Variants in SEC31B observed in about 807,000 individuals in gnomAD.
SEC31B encodes protein transport protein Sec31B.
SEC31B carries 113 observed loss-of-function variants against 135.0 expected under a neutral mutation model. The ratio of observed to expected loss-of-function variants is 0.84; its 90% CI spans 0.72 to 0.98. The LOEUF is 0.98. Among genes scored for constraint, SEC31B ranks in the 50% least tolerant of loss-of-function variants. The pLI is 0.00. For synonymous variants in SEC31B, 508 were observed against 549.4 expected, an observed-to-expected ratio of 0.92 and a Z score of 1.05; for missense variants, 1,296 against 1,421.1, an observed-to-expected ratio of 0.91 and a Z score of 1.42.
chr10:100,509,661 T>C (rs1851703528), intron 3 of SEC31B, 150 bp from the exon 4 acceptor site: 2 of 622,252 alleles, frequency 3.2e-6, no homozygotes, highest in Non-Finnish European at 5.5e-6. Flanking sequence ...ACAGAAGGGA[T>C]GTATCCTCCG....
intron 12 of SEC31B, 72 bp downstream of exon 12, chr10:100,499,451 AG>A: frequency 1.6e-6 from 2 of 1,275,232 alleles, no homozygotes; most frequent in Non-Finnish European, 2.3e-6. Flanking sequence ...AGGTATTCTG[AG>A]GTGGTTTACT....
intron 16 of SEC31B, 47 bp from the exon 17 acceptor site, chr10:100,497,327 CCT>C (rs1437218978): frequency 2.5e-6 from 4 of 1,601,508 alleles, no homozygotes; most frequent in Non-Finnish European, 1.7e-6. Context: ...GCCCTGTGTG[CCT>C]CTCCTTCTCC....
chr10:100,509,056 C>G lies in SEC31B; in HGVS notation c.446G>C (p.Trp149Ser). ...TGGCACATTCAAGTTATTCAGATCC[C>G]AAATGAAGATTTCAGAATCGCTGGC... ...SGASDSEIFI[W>S]DLNNLNVPMT... The change falls in exon 5 of 26, where the codon TGG becomes TCG. Residue 149 changes from tryptophan (W) to serine (S), a missense_variant. Physicochemically the swap from Trp to Ser is radical, Grantham distance 177. Transcript: ENST00000370345. 1 of 1,614,112 alleles carries G rather than the reference C, an allele frequency of 6.2e-7. No individual in the cohort carries two copies. The highest frequency in any genetic ancestry group is 8.5e-7 in the Non-Finnish European group (1 of 1,180,024).
chr10:100,492,262 G>A (rs1432778709), intron 19 of SEC31B, among the ~76,000 whole-genome samples: 1 of 152,086 alleles, frequency 6.6e-6, no homozygotes, highest in East Asian at 1.9e-4. Context: ...TTCGCTCTTG[G>A]TGCCCAGGCT....
At chr10:100,517,755 A>G (rs988593446) in intron 1 of SEC31B, among the ~76,000 whole-genome samples, 1 of 151,996 alleles carries the variant, frequency 6.6e-6, no homozygotes, top group Non-Finnish European at 1.5e-5. Flanking sequence ...TTCAGAAAGG[A>G]GCAAAGTCAC....
chr10:100,510,052 A>G (rs1054430116), intron 3 of SEC31B, among the ~76,000 whole-genome samples: 4 of 152,254 alleles, frequency 2.6e-5, no homozygotes, highest in African/African-American at 9.6e-5. Context: ...ACACAGAGGT[A>G]GTAATTTTAT....
chr10:100,507,480 G>C lies in SEC31B; in HGVS notation c.727C>G (p.Leu243Val), dbSNP rs1230038524. ...SEDDRLPVIQ[L>V]WDLRFASSPL... is the part of the protein sequence containing the mutation. ...GAGGAGGCAAAGCGCAAGTCCCACA[G>C]CTGAATCACGGGAAGTCGATCATCC... Residue 243 changes from leucine (L) to valine (V), a missense_variant, in exon 7 of 26, where the codon CTG becomes GTG. Transcript: ENST00000370345. 6.2e-7 allele frequency: 1 copy of C among 1,614,236 alleles called. No homozygotes were observed. Among genetic ancestry groups the C allele is most frequent in the Admixed American group, 1.7e-5 (1 of 60,024 alleles).
In SEC31B at chr10:100,509,459, C is replaced by A; in HGVS notation, c.256G>T (p.Gly86Trp). The A allele has an allele frequency of 1.9e-6, 3 of 1,614,050 alleles. No individual in the cohort carries two copies. The highest frequency in any genetic ancestry group is 1.7e-6 in the Non-Finnish European group (2 of 1,179,998). The change falls in exon 4 of 26, where the codon GGG becomes TGG. Residue 86 changes from glycine (G) to tryptophan (W), a missense_variant. Gly to Trp is a radical substitution (Grantham distance 184, BLOSUM62 -2). Coordinates refer to ENST00000370345, the MANE Select transcript of SEC31B (RefSeq NM_015490.4). ...TTGTCCCCGCCGCCAACAATAACCC[C>A]GGAGCTTTCCAGAAGCCCACTGCCA... ...SFGSGLLESS[G>W]VIVGGGDNGM...
chr10:100,505,323 C>T (rs960183700), intron 10 of SEC31B, 38 bp downstream of exon 10: 4 of 1,600,864 alleles, frequency 2.5e-6, no homozygotes, highest in Admixed American at 3.4e-5. Context: ...CACACACACA[C>T]ACAAACACAC....
At chr10:100,488,789 C>T (rs900991781) in intron 24 of SEC31B, 69 bp downstream of exon 24, 1 of 1,502,044 alleles carries the variant, frequency 6.7e-7, no homozygotes, top group Non-Finnish European at 8.9e-7. Context: ...AGGAACTGGT[C>T]CACAGCTGAG....
chr10:100,505,299 AACACACACACAC>A, intron 10 of SEC31B, 50 bp downstream of exon 10: 3 of 1,486,874 alleles, frequency 2.0e-6, no homozygotes, highest in Non-Finnish European at 2.7e-6. Context: ...AGGCTTCACA[AACACACACACAC>A]ACACACACAC....
At position 100,498,813 on chromosome 10, in the gene SEC31B, G is replaced by A. The variant is rs1399824709; in HGVS notation, c.1585-9C>T. ...GTGGTGTGTTTGGAGGCCTGTATGAGGAAGGACAGAGGTGACTACTTAGGG... is the reference window on the plus strand; with the variant it reads ...GTGGTGTGTTTGGAGGCCTGTATGAAGAAGGACAGAGGTGACTACTTAGGG... On this transcript the variant is annotated splice_polypyrimidine_tract_variant and intron_variant, in intron 13 of 25. Coordinates refer to ENST00000370345, the MANE Select transcript of SEC31B (RefSeq NM_015490.4). The A allele has an allele frequency of 1.2e-6, 2 of 1,604,058 alleles. No individual in the cohort carries two copies. The highest frequency in any genetic ancestry group is 1.1e-5 in the South Asian group (1 of 90,898).
chr10:100,487,750 C>T lies in SEC31B; in HGVS notation c.3406G>A (p.Val1136Met), dbSNP rs1446750436. ...VAGLHEVARCVDAGSFEQGLA... is the reference protein window; with the variant it reads ...VAGLHEVARCMDAGSFEQGLA... ...CCCTGCTCAAAGCTTCCTGCATCCACACATCGGGCAACCTCATGGAGCCCA... is the reference window on the plus strand; with the variant it reads ...CCCTGCTCAAAGCTTCCTGCATCCATACATCGGGCAACCTCATGGAGCCCA... Residue 1136 changes from valine (V) to methionine (M), a missense_variant, in exon 26 of 26, where the codon GTG (valine) becomes ATG (methionine). Coordinates refer to ENST00000370345, the MANE Select transcript of SEC31B (RefSeq NM_015490.4). 1 of 1,613,954 alleles carries T rather than the reference C, an allele frequency of 6.2e-7. No homozygotes were observed. The highest frequency in any genetic ancestry group is 1.3e-5 in the African/African-American group (1 of 74,954).
rs139770798 is a variant in SEC31B at position 100,491,412 on chromosome 10, C to A, written c.2473-529G>T. On this transcript the variant is annotated intron_variant, in intron 19 of 25. Transcript: ENST00000370345. The stretch of plus-strand genomic sequence containing the variant: ...AACTAATTTCATGAGGCCAGTATTA[C>A]CCTGATGCCAGCAACAGAAAAAGAT... Among the ~76,000 whole-genome samples the A allele has an allele frequency of 5.9e-5, 9 of 152,306 alleles. No homozygotes were observed. The East Asian group carries it at 7.7e-4, about 13-fold the overall frequency.
rs1459071086 is a variant in SEC31B, at chr10:100,487,623, A to C, written c.3533T>G (p.Leu1178Arg). The stretch of plus-strand genomic sequence containing the variant: ...CAAGAGAGGCTGCCTGGTTTAGACC[A>C]GCAGCTTATGAGCGATGATGAGGAC... ...KAVLIIAHKL[L>R]V The change falls in exon 26 of 26, where the codon CTG becomes CGG. Residue 1178 changes from leucine to arginine, a missense_variant. By Grantham distance (102) the Leu-to-Arg change is moderately radical. Transcript: ENST00000370345. 1.9e-6 allele frequency: 3 copies of C among 1,612,494 alleles called. No individual in the cohort carries two copies. In the East Asian group the frequency reaches 6.7e-5, roughly 36 times the overall value.
chr10:100,493,604 G>T (rs1386999677), intron 19 of SEC31B, among the ~76,000 whole-genome samples: 1 of 152,184 alleles, frequency 6.6e-6, no homozygotes, highest in African/African-American at 2.4e-5. Context: ...CAAGGATGAG[G>T]GAGGCAGAAT....
intron 24 of SEC31B, 118 bp from the exon 25 acceptor site, chr10:100,488,216 T>C: frequency 1.1e-6 from 1 of 873,502 alleles, no homozygotes; most frequent in Non-Finnish European, 1.9e-6. Flanking sequence ...TCCCAGCACC[T>C]TGGGAGGCCA....
At chr10:100,517,182 C>T in intron 1 of SEC31B, 185 bp from the exon 2 acceptor site, 1 of 561,780 alleles carries the variant, frequency 1.8e-6, no homozygotes, top group East Asian at 3.0e-5. Flanking sequence ...ATGCTTTAAA[C>T]CTCAAATGAT....
chr10:100,495,645 C>T, intron 18 of SEC31B, 99 bp from the exon 19 acceptor site: 1 of 1,182,132 alleles, frequency 8.5e-7, no homozygotes, highest in East Asian at 2.5e-5. Flanking sequence ...CCAAGCTTGT[C>T]CAACCTGTGT....
Sources: allele counts gnomAD v4.1 joint callset (sites outside exome capture counted in the v4.1 genomes callset), GRCh38; gene constraint gnomAD v4.1.1; transcripts MANE v1.5; gene names NCBI Gene and HGNC (gene_info 2026-07-23, HGNC 2026-07-21).